Variants in LMX1A observed in about 807,000 individuals in gnomAD.
The protein encoded by LMX1A is LIM homeobox transcription factor 1-alpha.
A neutral mutation model predicts 49.1 loss-of-function variants in LMX1A; 15 were observed. The ratio of observed to expected loss-of-function variants is 0.31; its 90% CI spans 0.20 to 0.47. The LOEUF (loss-of-function observed/expected upper bound fraction) is 0.47. Ranked by LOEUF, LMX1A falls within the 20% of genes least tolerant of loss-of-function variation. The pLI, the probability that LMX1A is intolerant of heterozygous loss-of-function variation, is 1.00. For synonymous variants in LMX1A, 167 were observed against 185.7 expected (o/e 0.90, Z 0.82); for missense variants, 372 against 475.8 (o/e 0.78, Z 2.03).
intron 3 of LMX1A, among the ~76,000 whole-genome samples, chr1:165,324,047 T>C (rs894459120): frequency 2.0e-5 from 3 of 152,184 alleles, no homozygotes; most frequent in Non-Finnish European, 4.4e-5. Flanking sequence ...GCTACACTAA[T>C]AGCCTAATAC....
At chr1:165,244,423 G>T (rs763939065) in intron 4 of LMX1A, among the ~76,000 whole-genome samples, 14 of 152,154 alleles carry the variant, frequency 9.2e-5, no homozygotes, top group Non-Finnish European at 1.9e-4. Context: ...CTTAAGCGGG[G>T]TGGGGTCTGG....
intron 3 of LMX1A, among the ~76,000 whole-genome samples, chr1:165,261,713 G>A (rs143262992): frequency 6.6e-6 from 1 of 152,248 alleles, no homozygotes; most frequent in East Asian, 1.9e-4. Context: ...CCTTAAAAAG[G>A]AAGAAAATTC....
chr1:165,255,087 A>C (rs1028505137), intron 3 of LMX1A, among the ~76,000 whole-genome samples: 1 of 152,230 alleles, frequency 6.6e-6, no homozygotes, highest in Admixed American at 6.5e-5. Flanking sequence ...GTGATAAATA[A>C]GGCTGTCCCT....
intron 4 of LMX1A, among the ~76,000 whole-genome samples, chr1:165,242,886 C>T (rs1390683585): frequency 6.9e-6 from 1 of 144,432 alleles, no homozygotes; most frequent in Admixed American, 7.0e-5. Context: ...GCCGAGATTG[C>T]GCCACTGCAC....
chr1:165,218,109 G>A (rs1557852190), intron 4 of LMX1A, among the ~76,000 whole-genome samples: 1 of 152,172 alleles, frequency 6.6e-6, no homozygotes, highest in East Asian at 1.9e-4. Context: ...CAGGCATCAG[G>A]CCAGATTTGG....
chr1:165,260,476 G>C (rs146851812), intron 3 of LMX1A, among the ~76,000 whole-genome samples: 194 of 152,138 alleles, frequency 1.3e-3, no homozygotes, highest in African/African-American at 4.5e-3. Context: ...GTTTGCTTTG[G>C]TCAACATCAC....
At chr1:165,273,595 C>T (rs74118540) in intron 3 of LMX1A, among the ~76,000 whole-genome samples, 2,439 of 152,276 alleles carry the variant, frequency 0.016, 62 homozygotes, top group African/African-American at 0.055. Context: ...TTCCCTCCAC[C>T]CTCCACCAAA....
intron 3 of LMX1A, among the ~76,000 whole-genome samples, chr1:165,351,618 A>C (rs187745711): frequency 6.6e-6 from 1 of 152,304 alleles, no homozygotes; most frequent in East Asian, 1.9e-4. Context: ...TTCTGAAAAA[A>C]GCCAAGCTAT....
intron 3 of LMX1A, among the ~76,000 whole-genome samples, chr1:165,290,475 G>GTC (rs1458866571): frequency 2.0e-5 from 3 of 151,750 alleles, no homozygotes; most frequent in Non-Finnish European, 4.4e-5. Context: ...TTTGTAAAAT[G>GTC]TCTCTATTTA....
Position 165,202,222 on chromosome 1 carries a change from C to G in LMX1A, c.*1658G>C, listed in dbSNP as rs1484705854. 6.6e-6 allele frequency: 1 copy of G among 152,646 alleles called. No homozygotes were observed. Among genetic ancestry groups the G allele is most frequent in the African/African-American group, 2.4e-5 (1 of 41,416 alleles). The allele number at this position is 152,646 out of a possible 1,614,324, so 9.5% of individuals were successfully genotyped here. On this transcript the variant is annotated 3_prime_UTR_variant, in exon 9 of 9. Coordinates refer to ENST00000342310, the MANE Select transcript of LMX1A (RefSeq NM_177398.4). ...CTATCCTGGCCCCTCCTGGATGGGT[C>G]CACAGTGACCCGCTGTCTTCCCCAC...
chr1:165,313,295 G>A (rs1443384048), intron 3 of LMX1A, among the ~76,000 whole-genome samples: 1 of 152,114 alleles, frequency 6.6e-6, no homozygotes, highest in East Asian at 1.9e-4. Flanking sequence ...CCAGCTTAAT[G>A]GCCTAGCTGA....
chr1:165,231,621 G>A (rs889562771), intron 4 of LMX1A, among the ~76,000 whole-genome samples: 1 of 152,130 alleles, frequency 6.6e-6, no homozygotes, highest in Non-Finnish European at 1.5e-5. Context: ...CTTTATACTA[G>A]AAGAGAGTTT....
chr1:165,343,714 G>A (rs1656151313), intron 3 of LMX1A, among the ~76,000 whole-genome samples: 1 of 152,036 alleles, frequency 6.6e-6, no homozygotes, highest in African/African-American at 2.4e-5. Context: ...AAAGCGTAAA[G>A]AAAATAAAGC....
chr1:165,237,765 T>A (rs1652504052), intron 4 of LMX1A, among the ~76,000 whole-genome samples: 1 of 152,160 alleles, frequency 6.6e-6, no homozygotes, highest in African/African-American at 2.4e-5. Context: ...TTTTCCTTGG[T>A]CACAGAAACC....
At chr1:165,354,999 G>C (rs1324661801) in intron 2 of LMX1A, among the ~76,000 whole-genome samples, 2 of 152,136 alleles carry the variant, frequency 1.3e-5, no homozygotes, top group African/African-American at 2.4e-5. Context: ...CCCGCGCTGC[G>C]TTGCCTACTG....
chr1:165,351,618 A>T (rs187745711), intron 3 of LMX1A, among the ~76,000 whole-genome samples: 5 of 152,186 alleles, frequency 3.3e-5, no homozygotes. Context: ...TTCTGAAAAA[A>T]GCCAAGCTAT....
In LMX1A at chr1:165,206,053, G is replaced by A; in HGVS notation, c.818-19C>T. 1 of 1,515,276 alleles carries A rather than the reference G, an allele frequency of 6.6e-7. No homozygotes were observed. Among genetic ancestry groups the A allele is most frequent in the Non-Finnish European group, 8.8e-7 (1 of 1,133,148 alleles). 93.9% of individuals were successfully genotyped at this position (1,515,276 alleles called of 1,614,324 possible). A position where few individuals can be genotyped will look rare whatever the true frequency, so the allele number is the denominator to read the frequency against. ...GTCTGAGCTGTGGAACAAAGAAGAAGCCAGGTCATTCTCAACGTGCAGCCT... is the reference window on the plus strand; with the variant it reads ...GTCTGAGCTGTGGAACAAAGAAGAAACCAGGTCATTCTCAACGTGCAGCCT... On this transcript the variant is annotated intron_variant, in intron 7 of 8. Transcript: ENST00000342310.
chr1:165,221,652 C>A (rs1011543305), intron 4 of LMX1A, among the ~76,000 whole-genome samples: 1 of 152,160 alleles, frequency 6.6e-6, no homozygotes, highest in African/African-American at 2.4e-5. Context: ...GCTCAGACGT[C>A]CAGGCAGGCC....
At chr1:165,213,315 C>T (rs918516400) in intron 5 of LMX1A, 1 of 238,924 alleles carries the variant, frequency 4.2e-6, no homozygotes, top group East Asian at 8.9e-5. Context: ...TGTTTTTATA[C>T]TCTTTGCTTT....
Sources: allele counts gnomAD v4.1 joint callset (sites outside exome capture counted in the v4.1 genomes callset), GRCh38; gene constraint gnomAD v4.1.1; transcripts MANE v1.5; gene names NCBI Gene and HGNC (gene_info 2026-07-23, HGNC 2026-07-21).